PLXNA4: variants seen among roughly 807,000 people sequenced by gnomAD.
PLXNA4 encodes plexin-A4.
A neutral mutation model predicts 191.8 loss-of-function variants in PLXNA4; 44 were observed. The ratio of observed to expected loss-of-function variants is 0.23; its 90% CI spans 0.18 to 0.29. The LOEUF is 0.29. Among genes scored for constraint, PLXNA4 ranks in the 10% least tolerant of loss-of-function variants. The pLI is 1.00. For missense variants in PLXNA4, 1,800 were observed against 2,488.8 expected, an observed-to-expected ratio of 0.72 and a Z score of 5.89; for synonymous variants, 1,082 against 1,009.5, an observed-to-expected ratio of 1.07 and a Z score of -1.36.
chr7:132,612,663 C>CAA (rs71529768), intron 2 of PLXNA4, among the ~76,000 whole-genome samples: 16,975 of 68,066 alleles, frequency 0.25, 1,835 homozygotes, highest in African/African-American at 0.34. Flanking sequence ...GTCTCCATCT[C>CAA]AAAAAAAAAA....
intron 2 of PLXNA4, among the ~76,000 whole-genome samples, chr7:132,608,841 C>T (rs1485754411): frequency 6.6e-6 from 1 of 152,190 alleles, no homozygotes; most frequent in Non-Finnish European, 1.5e-5. Flanking sequence ...CTCTCCTTGT[C>T]TCAAGGACCA....
chr7:132,335,744 G>A (rs886126153), intron 3 of PLXNA4, among the ~76,000 whole-genome samples: 11 of 152,372 alleles, frequency 7.2e-5, no homozygotes, highest in Non-Finnish European at 1.3e-4. Context: ...GAAAAGGCAA[G>A]GAGACTTCCA....
chr7:132,588,674 G>GGGAAA (rs1289101577), intron 2 of PLXNA4, among the ~76,000 whole-genome samples: 1 of 120,276 alleles, frequency 8.3e-6, no homozygotes, highest in Non-Finnish European at 1.7e-5. Context: ...GGGAAGGGAA[G>GGGAAA]GGAAGGGAGG....
In PLXNA4 at chr7:132,185,455, G is replaced by A. The variant is rs1417952203; in HGVS notation, c.3002C>T (p.Pro1001Leu). Residue 1001 changes from proline (P) to leucine (L), a missense_variant, in exon 16 of 32, where the codon CCA (proline) becomes CTA (leucine). Physicochemically the swap from Pro to Leu is moderately conservative, Grantham distance 98. This residue lies in a region of PLXNA4 where 1,397 missense variants were observed against 1,880.4 expected (regional missense o/e 0.74). Transcript: ENST00000321063. ...TGTGGTGTTGCAGACAATGTAGGAT[G>A]GAGATCGCCTGGAGGGCAGGAAGAC... The part of the protein sequence containing the change: ...KQPCLFHRRS[P>L]SYIVCNTTSS... 4 of 1,612,434 alleles carry A rather than the reference G, an allele frequency of 2.5e-6. No individual in the cohort carries two copies. Among genetic ancestry groups the A allele is most frequent in the Non-Finnish European group, 3.4e-6 (4 of 1,179,402 alleles).
intron 2 of PLXNA4, among the ~76,000 whole-genome samples, chr7:132,584,642 T>G (rs1200617924): frequency 6.6e-6 from 1 of 152,254 alleles, no homozygotes; most frequent in Non-Finnish European, 1.5e-5. Flanking sequence ...TATCTTTGCA[T>G]ATTTTGAATA....
intron 3 of PLXNA4, among the ~76,000 whole-genome samples, chr7:132,337,687 T>C (rs1353864877): frequency 6.6e-6 from 1 of 152,212 alleles, no homozygotes; most frequent in Non-Finnish European, 1.5e-5. Context: ...TTTGGCAGGC[T>C]TGGCTTTGTC....
intron 4 of PLXNA4, among the ~76,000 whole-genome samples, chr7:132,277,852 A>T (rs1278770660): frequency 6.6e-6 from 1 of 152,156 alleles, no homozygotes; most frequent in Admixed American, 6.5e-5. Flanking sequence ...TCAACTATGC[A>T]ACTCTGCTGT....
rs1020626046 is a variant in PLXNA4 at position 132,535,157 on chromosome 7, C to A, written c.-86-26378G>T. Among the ~76,000 whole-genome samples the A allele has an allele frequency of 3.3e-5, 5 of 152,308 alleles. No individual in the cohort carries two copies. The East Asian group carries it at 9.6e-4, about 29-fold the overall frequency. On this transcript the variant is annotated intron_variant, in intron 1 of 31. Transcript: ENST00000321063. The stretch of plus-strand genomic sequence containing the variant: ...CCAACTTATCAGACCAGAAATCAAC[C>A]CGTCTCCAAATAAAAAAGAAATCAA...
At chr7:132,488,744 T>A (rs1797661065) in intron 3 of PLXNA4, among the ~76,000 whole-genome samples, 1 of 152,190 alleles carries the variant, frequency 6.6e-6, no homozygotes, top group Admixed American at 6.5e-5. Flanking sequence ...CCCCAGATCA[T>A]ACCATCTGAC....
chr7:132,189,564 G>C (rs1431771021), intron 14 of PLXNA4, among the ~76,000 whole-genome samples: 1 of 152,130 alleles, frequency 6.6e-6, no homozygotes, highest in Non-Finnish European at 1.5e-5. Context: ...CTTCCCTCTA[G>C]CCTTGGTACT....
intron 4 of PLXNA4, among the ~76,000 whole-genome samples, chr7:132,262,811 GT>G (rs1252444735): frequency 3.9e-5 from 6 of 152,048 alleles, no homozygotes; most frequent in Non-Finnish European, 8.8e-5. Context: ...GGTCTAAGGG[GT>G]CAAAACATCA....
chr7:132,465,422 A>T (rs957312887), intron 3 of PLXNA4, among the ~76,000 whole-genome samples: 1 of 152,204 alleles, frequency 6.6e-6, no homozygotes, highest in Non-Finnish European at 1.5e-5. Context: ...CTAAACTCTA[A>T]AAAGTTTTAC....
At chr7:132,575,080 G>A (rs1398230271) in intron 1 of PLXNA4, among the ~76,000 whole-genome samples, 2 of 152,134 alleles carry the variant, frequency 1.3e-5, no homozygotes, top group African/African-American at 2.4e-5. Flanking sequence ...CAGAAACACA[G>A]GAGCTTGTAC....
chr7:132,180,127 A>C (rs972854482), intron 19 of PLXNA4, among the ~76,000 whole-genome samples: 1 of 152,032 alleles, frequency 6.6e-6, no homozygotes, highest in Non-Finnish European at 1.5e-5. Flanking sequence ...GAAAAACCTC[A>C]CCTCCTCTTA....
At chr7:132,131,739 T>G (rs745997579) in intron 31 of PLXNA4, among the ~76,000 whole-genome samples, 2 of 152,246 alleles carry the variant, frequency 1.3e-5, no homozygotes, top group Non-Finnish European at 2.9e-5. Context: ...ATTACACTGG[T>G]GCACACTATA....
chr7:132,188,272 T>G (rs1480980158), intron 14 of PLXNA4, among the ~76,000 whole-genome samples: 1 of 152,206 alleles, frequency 6.6e-6, no homozygotes, highest in Non-Finnish European at 1.5e-5. Context: ...GAGTCCAGGT[T>G]GGGGGCAGGG....
intron 3 of PLXNA4, among the ~76,000 whole-genome samples, chr7:132,360,392 T>G (rs1214767399): frequency 2.0e-5 from 3 of 152,076 alleles, no homozygotes; most frequent in Non-Finnish European, 4.4e-5. Flanking sequence ...CCCCGCCAGG[T>G]CCCAGGCATC....
intron 9 of PLXNA4, among the ~76,000 whole-genome samples, chr7:132,220,556 G>T (rs796893369): frequency 2.6e-5 from 4 of 152,244 alleles, no homozygotes; most frequent in Non-Finnish European, 5.9e-5. Flanking sequence ...AAATGGAGAG[G>T]ATTTCAGTAT....
chr7:132,535,408 A>G (rs1454853319), intron 1 of PLXNA4, among the ~76,000 whole-genome samples: 1 of 152,176 alleles, frequency 6.6e-6, no homozygotes, highest in African/African-American at 2.4e-5. Context: ...GAGAACAGCA[A>G]GAGGGGGCCA....
Sources: allele counts gnomAD v4.1 joint callset (sites outside exome capture counted in the v4.1 genomes callset), GRCh38; gene constraint gnomAD v4.1.1; regional missense constraint gnomAD v4.1.1; transcripts MANE v1.5; gene names NCBI Gene and HGNC (gene_info 2026-07-23, HGNC 2026-07-21).